Variants in TMEM114 observed in about 807,000 individuals in gnomAD.
TMEM114 encodes the protein transmembrane protein 114, also known as claudin-26.
TMEM114 carries 6 observed loss-of-function variants against 6.2 expected under a neutral mutation model. The observed-to-expected ratio is 0.97, with a 90% CI of 0.53 to 1.91. The LOEUF (loss-of-function observed/expected upper bound fraction) is 1.91, where lower values mean the gene tolerates loss of function less well. TMEM114 is among the 40% of genes most tolerant of loss of function. The pLI is 0.01. For missense variants in TMEM114, 218 were observed against 158.3 expected (o/e 1.38, Z -2.02); for synonymous variants, 104 against 73.0 (o/e 1.42, Z -2.16).
chr16:8,559,339 T>C (rs967987167), intron 2 of TMEM114, among the ~76,000 whole-genome samples: 2 of 152,206 alleles, frequency 1.3e-5, no homozygotes, highest in African/African-American at 2.4e-5. Flanking sequence ...CGCCGGACCC[T>C]GCCTTAATTC....
intron 2 of TMEM114, among the ~76,000 whole-genome samples, chr16:8,582,657 AG>A (rs1210586065): frequency 3.9e-5 from 6 of 152,180 alleles, no homozygotes; most frequent in African/African-American, 1.4e-4. Flanking sequence ...TGGGAGGCCG[AG>A]GCGGGTGGAT....
chr16:8,559,334 G>C (rs1901126426), intron 2 of TMEM114, among the ~76,000 whole-genome samples: 2 of 152,172 alleles, frequency 1.3e-5, no homozygotes, highest in African/African-American at 4.8e-5. Context: ...TGAGCCGCCG[G>C]ACCCTGCCTT....
downstream of TMEM114, among the ~76,000 whole-genome samples, chr16:8,533,022 A>G (rs1567191240): frequency 6.6e-6 from 1 of 152,236 alleles, no homozygotes; most frequent in Non-Finnish European, 1.5e-5. Flanking sequence ...AGCAGTAGGG[A>G]TATCATGATG....
Position 8,549,639 on chromosome 16 carries a change from A to G in TMEM114, n.213-11813T>C, listed in dbSNP as rs573575543. Among the ~76,000 whole-genome samples the G allele has an allele frequency of 6.6e-5, 10 of 151,904 alleles. 1 individual carries two copies. The East Asian group carries it at 1.2e-3, about 18-fold the overall frequency. On this transcript the variant is annotated intron_variant and non_coding_transcript_variant, in intron 2 of 2. Coordinates refer to the TMEM114 transcript ENST00000623677. The stretch of plus-strand genomic sequence containing the variant: ...CATGTTTTCCTTCGTGTGTGTGTGT[A>G]TGTGTGTGAAAGATGGTTGTAATAG...
intron 3 of TMEM114, among the ~76,000 whole-genome samples, chr16:8,571,552 A>G (rs967077793): frequency 6.6e-6 from 1 of 152,130 alleles, no homozygotes; most frequent in African/African-American, 2.4e-5. Flanking sequence ...TTCAGCTGAA[A>G]TTGTGTGTTC....
rs143134061 is a variant in TMEM114 at position 8,569,534 on chromosome 16, C to A, written c.*239G>T. ...AGGATCGTTTTTATTTCTCGCGAAG[C>A]GGTTTGGCACTCCCTCGGGCTCCTC... is the stretch of plus-strand genomic sequence containing the variant. On this transcript the variant is annotated 3_prime_UTR_variant, in exon 4 of 4. Coordinates refer to ENST00000620492, the MANE Select transcript of TMEM114 (RefSeq NM_001146336.2). The A allele has an allele frequency of 5.0e-6, 7 of 1,392,780 alleles. No homozygotes were observed. Among genetic ancestry groups the A allele is most frequent in the Non-Finnish European group, 5.6e-6 (6 of 1,075,512 alleles). The allele number at this position is 1,392,780 out of a possible 1,614,324, so 86.3% of individuals were successfully genotyped here. A position where few individuals can be genotyped will look rare whatever the true frequency, so the allele number is the denominator to read the frequency against.
chr16:8,539,095 C>G (rs976351150), intron 2 of TMEM114, among the ~76,000 whole-genome samples: 4 of 151,910 alleles, frequency 2.6e-5, no homozygotes, highest in Non-Finnish European at 5.9e-5. Flanking sequence ...TTTTTAGTTA[C>G]TTCCACTTTT....
chr16:8,550,858 C>T (rs1900820336), intron 2 of TMEM114, among the ~76,000 whole-genome samples: 1 of 152,120 alleles, frequency 6.6e-6, no homozygotes, highest in African/African-American at 2.4e-5. Flanking sequence ...CCTCGCTGAA[C>T]CCACAGGATA....
chr16:8,548,271 T>G (rs1332727095), intron 2 of TMEM114, among the ~76,000 whole-genome samples: 1 of 152,152 alleles, frequency 6.6e-6, no homozygotes, highest in Non-Finnish European at 1.5e-5. Context: ...CTCTCAGGGT[T>G]GCTGTGAAAT....
chr16:8,560,797 A>G (rs1179554024), intron 2 of TMEM114, among the ~76,000 whole-genome samples: 1 of 152,118 alleles, frequency 6.6e-6, no homozygotes, highest in Admixed American at 6.6e-5. Context: ...AAGGCACCAA[A>G]GTCAGCATTG....
chr16:8,527,495 T>C, the TMEM114 span, among the ~76,000 whole-genome samples: 1 of 152,206 alleles, frequency 6.6e-6, no homozygotes, highest in South Asian at 2.1e-4. Flanking sequence ...GAGCACAAAA[T>C]AAGATAACAA....
chr16:8,570,811 C>T (rs770955307), intron 3 of TMEM114, among the ~76,000 whole-genome samples: 3 of 152,116 alleles, frequency 2.0e-5, no homozygotes, highest in Non-Finnish European at 4.4e-5. Context: ...TTACACATGG[C>T]TATTTAAATT....
intron 2 of TMEM114, among the ~76,000 whole-genome samples, chr16:8,588,278 C>T (rs1378946826): frequency 1.9e-5 from 2 of 104,600 alleles, no homozygotes; most frequent in African/African-American, 9.0e-5. Flanking sequence ...CAGAGCAAGA[C>T]CCTGTCTCAA....
At chr16:8,546,146 A>G (rs752781739) in intron 2 of TMEM114, among the ~76,000 whole-genome samples, 8 of 152,222 alleles carry the variant, frequency 5.3e-5, no homozygotes, top group African/African-American at 9.6e-5. Context: ...AATGAATAAA[A>G]CAATTATATT....
At chr16:8,545,378 G>C (rs1900633055) in intron 2 of TMEM114, among the ~76,000 whole-genome samples, 1 of 152,074 alleles carries the variant, frequency 6.6e-6, no homozygotes, top group African/African-American at 2.4e-5. Context: ...TGAGGTTGCA[G>C]TGAGCTGTAA....
In TMEM114 at chr16:8,560,953, G is replaced by A. The variant is rs570942258; in HGVS notation, n.213-23127C>T. Reference sequence around the variant, plus strand: ...CTCACAATCATGGCAGAAGGCAAAAGACACGTCTTATATCACAGCAGGCGA... The same window carrying A: ...CTCACAATCATGGCAGAAGGCAAAAAACACGTCTTATATCACAGCAGGCGA... On this transcript the variant is annotated intron_variant and non_coding_transcript_variant, in intron 2 of 2. Coordinates refer to the TMEM114 transcript ENST00000623677. Among the ~76,000 whole-genome samples, 7 of 152,326 alleles carry A rather than the reference G, an allele frequency of 4.6e-5. No homozygotes were observed. In the South Asian group the frequency reaches 1.4e-3, roughly 32 times the overall value.
rs753951353 is a variant in TMEM114, at chr16:8,569,913, G to A, written c.532C>T (p.Leu178=). 1 of 1,551,220 alleles carries A rather than the reference G, an allele frequency of 6.4e-7. No homozygotes were observed. Among genetic ancestry groups the A allele is most frequent in the South Asian group, 1.2e-5 (1 of 84,066 alleles). ...ALCLLEEKAL[L]DQVDISFGWS... is the part of the protein sequence containing the mutation. ...CCGAAGCTGATGTCCACCTGGTCCA[G>A]GAGGGCCTTCTCCTCCAAGAGACAC... The change falls in exon 4 of 4, where the codon CTG becomes TTG. Residue 178 remains leucine (L), a synonymous_variant. Coordinates refer to ENST00000620492, the MANE Select transcript of TMEM114 (RefSeq NM_001146336.2).
downstream of TMEM114, among the ~76,000 whole-genome samples, chr16:8,534,995 A>G (rs1249114608): frequency 6.6e-6 from 1 of 152,254 alleles, no homozygotes; most frequent in African/African-American, 2.4e-5. Context: ...TCAGTGACTG[A>G]CTTTCTCCTA....
chr16:8,582,143 C>G (rs1347179844), intron 2 of TMEM114, among the ~76,000 whole-genome samples: 1 of 152,210 alleles, frequency 6.6e-6, no homozygotes, highest in Non-Finnish European at 1.5e-5. Flanking sequence ...CAGAGGACAG[C>G]GTGGCCAGAC....
Sources: gnomAD v4.1 joint callset for allele counts (sites outside exome capture counted in the v4.1 genomes callset) on GRCh38, gnomAD v4.1.1 for gene constraint, MANE v1.5 for transcripts, NCBI Gene and HGNC (gene_info 2026-07-23, HGNC 2026-07-21) for gene names.